The following ZW10 variants were observed in gnomAD, a reference collection of about 807,000 sequenced individuals.
ZW10 encodes the protein centromere/kinetochore protein zw10 homolog.
A neutral mutation model predicts 87.8 loss-of-function variants in ZW10; 53 were observed. The observed-to-expected ratio is 0.60, with a 90% confidence interval of 0.48 to 0.76. The LOEUF (loss-of-function observed/expected upper bound fraction) is 0.76. ZW10 is among the 30% of genes least tolerant of loss of function. The probability of loss-of-function intolerance (pLI) is 0.00; values close to 1 mark genes in which losing one functional copy is unlikely to be tolerated. For missense variants in ZW10, 837 were observed against 923.0 expected, an observed-to-expected ratio of 0.91 and a Z score of 1.21; for synonymous variants, 312 against 329.2, an observed-to-expected ratio of 0.95 and a Z score of 0.57.
intron 1 of ZW10, among the ~76,000 whole-genome samples, chr11:113,769,186 A>C (rs1018763946): frequency 3.3e-5 from 5 of 152,138 alleles, no homozygotes; most frequent in Non-Finnish European, 7.3e-5. Context: ...AGAAGACAAC[A>C]ATATCAAACA....
At chr11:113,757,550 T>C in intron 7 of ZW10, 112 bp downstream of exon 7, 1 of 901,148 alleles carries the variant, frequency 1.1e-6, no homozygotes, top group South Asian at 3.5e-5. Context: ...TTTACTTACT[T>C]TTCATCCTCC....
At chr11:113,750,673 T>A (rs1031577952) in intron 7 of ZW10, among the ~76,000 whole-genome samples, 1 of 152,196 alleles carries the variant, frequency 6.6e-6, no homozygotes, top group Non-Finnish European at 1.5e-5. Flanking sequence ...ATTAGGAATT[T>A]GATGCTTCCT....
chr11:113,768,511 G>A (rs75247172), intron 2 of ZW10, among the ~76,000 whole-genome samples: 1,930 of 152,204 alleles, frequency 0.013, 23 homozygotes, highest in Middle Eastern at 0.027. Context: ...AATGCACTCT[G>A]GGGATATTTT....
intron 14 of ZW10, 75 bp downstream of exon 14, chr11:113,737,497 T>C: frequency 2.2e-6 from 3 of 1,374,482 alleles, no homozygotes; most frequent in Non-Finnish European, 2.9e-6. Context: ...TTCTTCAACA[T>C]CACTTTCTTA....
At chr11:113,758,483 C>A in intron 6 of ZW10, 71 bp downstream of exon 6, 1 of 1,461,088 alleles carries the variant, frequency 6.8e-7, no homozygotes, top group Non-Finnish European at 9.4e-7. Flanking sequence ...ATTTTATCAT[C>A]TTTTCTGTCT....
chr11:113,739,570 T>G (rs909101626), intron 11 of ZW10, among the ~76,000 whole-genome samples, 188 bp from the exon 12 acceptor site: 1 of 152,198 alleles, frequency 6.6e-6, no homozygotes, highest in African/African-American at 2.4e-5. Context: ...CTGAATGGGA[T>G]TTTATCCTAT....
chr11:113,763,185 A>C (rs1953879799), intron 2 of ZW10, among the ~76,000 whole-genome samples: 1 of 152,198 alleles, frequency 6.6e-6, no homozygotes, highest in Admixed American at 6.5e-5. Context: ...ATCCCTACAA[A>C]GGACATGCTC....
chr11:113,757,861 A>ATCATATGAACAT lies in ZW10; in HGVS notation c.734-20_734-9dup. ...ACTTCAGCAGCATCTGACCTGAAAA[A>ATCATATGAACAT]TCATATGAACATTCATCAAAAAATC... is the stretch of plus-strand genomic sequence containing the variant. On this transcript the variant is annotated splice_polypyrimidine_tract_variant and intron_variant, in intron 6 of 15. Transcript: ENST00000200135. The ATCATATGAACAT allele has an allele frequency of 6.3e-7, 1 of 1,580,958 alleles. No individual in the cohort carries two copies. The highest frequency in any genetic ancestry group is 8.6e-7 in the Non-Finnish European group (1 of 1,160,630).
At chr11:113,772,818 CAAAAAAAAAAA>C (rs58651654) in intron 1 of ZW10, among the ~76,000 whole-genome samples, 1 of 93,568 alleles carries the variant, frequency 1.1e-5, no homozygotes, top group Non-Finnish European at 2.3e-5. Context: ...ACTAAAAATA[CAAAAAAAAAAA>C]AAAAAAAATT....
At chr11:113,743,773 G>A in intron 10 of ZW10, 29 bp downstream of exon 10, 1 of 1,562,236 alleles carries the variant, frequency 6.4e-7, no homozygotes. Flanking sequence ...CCAAGTCATT[G>A]CCATTTTCAC....
At chr11:113,736,128 AGCCAGGTGT>A (rs1953550916) in intron 15 of ZW10, among the ~76,000 whole-genome samples, 2 of 152,042 alleles carry the variant, frequency 1.3e-5, no homozygotes, top group African/African-American at 2.4e-5. Flanking sequence ...AAAATAAATT[AGCCAGGTGT>A]GGTGGTAGGC....
intron 2 of ZW10, among the ~76,000 whole-genome samples, chr11:113,763,361 T>C (rs1355221181): frequency 6.6e-6 from 1 of 152,250 alleles, no homozygotes; most frequent in Admixed American, 6.5e-5. Context: ...GAATCATTTA[T>C]ATTCCCTTGG....
intron 11 of ZW10, among the ~76,000 whole-genome samples, chr11:113,741,417 G>C (rs1953617426): frequency 6.6e-6 from 1 of 152,152 alleles, no homozygotes; most frequent in African/African-American, 2.4e-5. Flanking sequence ...GTTAAGTAAA[G>C]GCAGTTCTGA....
At chr11:113,746,954 A>G (rs1007224744) in intron 9 of ZW10, among the ~76,000 whole-genome samples, 3 of 152,154 alleles carry the variant, frequency 2.0e-5, no homozygotes, top group Non-Finnish European at 4.4e-5. Flanking sequence ...GAAGAGTGAC[A>G]TAATCAATTG....
At chr11:113,761,500 T>G (rs1953859510) in intron 2 of ZW10, among the ~76,000 whole-genome samples, 1 of 152,102 alleles carries the variant, frequency 6.6e-6, no homozygotes, top group Non-Finnish European at 1.5e-5. Flanking sequence ...AGGCTGGTCT[T>G]GAACTCCTGG....
chr11:113,758,408 T>C, intron 6 of ZW10, 146 bp downstream of exon 6: 1 of 547,660 alleles, frequency 1.8e-6, no homozygotes, highest in South Asian at 7.0e-5. Flanking sequence ...AAAGGGATAA[T>C]ATTTAGGACA....
chr11:113,738,500 T>G (rs1355535545), intron 12 of ZW10, 106 bp from the exon 13 acceptor site: 4 of 1,055,100 alleles, frequency 3.8e-6, no homozygotes, highest in Non-Finnish European at 3.9e-6. Flanking sequence ...TCTGCCTATA[T>G]AAAAATAATT....
At chr11:113,761,081 C>T (rs1035152911) in intron 2 of ZW10, among the ~76,000 whole-genome samples, 163 bp from the exon 3 acceptor site, 1 of 152,108 alleles carries the variant, frequency 6.6e-6, no homozygotes, top group Non-Finnish European at 1.5e-5. Context: ...TAGGAAGATA[C>T]CTTAGAGGTC....
At chr11:113,737,303 T>C (rs991033330) in intron 14 of ZW10, among the ~76,000 whole-genome samples, 1 of 152,228 alleles carries the variant, frequency 6.6e-6, no homozygotes, top group African/African-American at 2.4e-5. Flanking sequence ...CTTTACACTA[T>C]ACAACGCATC....
Sources: gnomAD v4.1 joint callset for allele counts (sites outside exome capture counted in the v4.1 genomes callset) on GRCh38, gnomAD v4.1.1 for gene constraint, MANE v1.5 for transcripts, NCBI Gene and HGNC (gene_info 2026-07-23, HGNC 2026-07-21) for gene names.